The following CSMD3 variants were observed in gnomAD, a reference collection of about 807,000 sequenced individuals.
The protein encoded by CSMD3 is CUB and Sushi multiple domains 3.
In CSMD3, 177 loss-of-function variants were observed where a neutral mutation model predicts 435.2. The observed-to-expected ratio is 0.41, with a 90% CI of 0.36 to 0.46. The LOEUF (loss-of-function observed/expected upper bound fraction) is 0.46. Among genes scored for constraint, CSMD3 ranks in the 20% least tolerant of loss-of-function variants. CSMD3 has a pLI of 0.34. For synonymous variants in CSMD3, 1,656 were observed against 1,520.5 expected (o/e 1.09, Z -2.07); for missense variants, 4,265 against 4,504.6 (o/e 0.95, Z 1.52).
chr8:112,605,259 G>T (rs1463869257), intron 22 of CSMD3, among the ~76,000 whole-genome samples: 2 of 152,092 alleles, frequency 1.3e-5, no homozygotes, highest in Non-Finnish European at 2.9e-5. Flanking sequence ...CATTATTTGA[G>T]CCAGAAAGCC....
At chr8:113,155,400 C>T (rs2091910653) in intron 4 of CSMD3, among the ~76,000 whole-genome samples, 1 of 152,044 alleles carries the variant, frequency 6.6e-6, no homozygotes, top group South Asian at 2.1e-4. Context: ...CATTTCTTGG[C>T]CTTTATTTTT....
At chr8:112,800,069 AC>A in intron 13 of CSMD3, 92 bp downstream of exon 13, 1 of 843,748 alleles carries the variant, frequency 1.2e-6, no homozygotes, top group Non-Finnish European at 2.0e-6. Flanking sequence ...GTTCTGCAAA[AC>A]TTTTAATTTT....
At chr8:112,291,489 C>A (rs1819758891) in intron 56 of CSMD3, 21 bp downstream of exon 56, 1 of 1,535,580 alleles carries the variant, frequency 6.5e-7, no homozygotes, top group Non-Finnish European at 9.0e-7. Flanking sequence ...TCTCAAGAAA[C>A]AATTCACATT....
intron 30 of CSMD3, among the ~76,000 whole-genome samples, chr8:112,495,236 G>A (rs375816146): frequency 4.5e-4 from 69 of 152,250 alleles, no homozygotes; most frequent in African/African-American, 1.7e-3. Flanking sequence ...TTATAGCTGG[G>A]CTTCGTAAAA....
At chr8:112,453,343 T>C (rs949152338) in intron 32 of CSMD3, among the ~76,000 whole-genome samples, 1 of 152,094 alleles carries the variant, frequency 6.6e-6, no homozygotes, top group South Asian at 2.1e-4. Context: ...GCCAATAATA[T>C]GATCATACAC....
chr8:113,029,171 T>A (rs4876506), intron 5 of CSMD3, among the ~76,000 whole-genome samples: 1 of 150,998 alleles, frequency 6.6e-6, no homozygotes, highest in Non-Finnish European at 1.5e-5. Context: ...CAGGACCATA[T>A]GGATTCACAG....
chr8:113,004,949 T>C (rs946075812), intron 6 of CSMD3, among the ~76,000 whole-genome samples: 8 of 151,904 alleles, frequency 5.3e-5, no homozygotes, highest in African/African-American at 1.9e-4. Context: ...TAAATTGTAC[T>C]ATCATTGTGT....
chr8:112,656,896 A>G (rs909116687), intron 17 of CSMD3, among the ~76,000 whole-genome samples: 1 of 152,148 alleles, frequency 6.6e-6, no homozygotes, highest in Non-Finnish European at 1.5e-5. Context: ...GGTAGTAACT[A>G]ATGATGATAC....
chr8:112,836,950 A>T (rs2080043517), intron 11 of CSMD3, among the ~76,000 whole-genome samples: 1 of 151,868 alleles, frequency 6.6e-6, no homozygotes, highest in Non-Finnish European at 1.5e-5. Context: ...TTACATGCTT[A>T]AACATCATGC....
intron 10 of CSMD3, among the ~76,000 whole-genome samples, chr8:112,883,868 A>AG (rs997223750): frequency 6.6e-6 from 1 of 151,288 alleles, no homozygotes; most frequent in East Asian, 2.0e-4. Context: ...GATTAGTATA[A>AG]AAAATCAGTA....
At chr8:113,310,157 A>G (rs1422112559) in intron 2 of CSMD3, 2 of 152,170 alleles carry the variant, frequency 1.3e-5, no homozygotes, top group Non-Finnish European at 2.9e-5. Flanking sequence ...AAAAATAACT[A>G]TACTACTACG....
At chr8:112,603,621 T>C (rs1215388729) in intron 22 of CSMD3, among the ~76,000 whole-genome samples, 2 of 152,230 alleles carry the variant, frequency 1.3e-5, no homozygotes, top group Non-Finnish European at 2.9e-5. Flanking sequence ...TTTTTTATAA[T>C]AGATTTGTGG....
At chr8:112,606,972 G>GAAAAAAAAAAAAAA (rs71309778) in intron 22 of CSMD3, among the ~76,000 whole-genome samples, 3 of 36,638 alleles carry the variant, frequency 8.2e-5, no homozygotes, top group Non-Finnish European at 1.4e-4. Flanking sequence ...CTCAAGCTAT[G>GAAAAAAAAAAAAAA]AAAAAAAAAA....
intron 10 of CSMD3, among the ~76,000 whole-genome samples, chr8:112,881,458 T>C (rs1260989191): frequency 6.6e-6 from 1 of 152,098 alleles, no homozygotes; most frequent in Non-Finnish European, 1.5e-5. Flanking sequence ...GTGTTAACAT[T>C]TTCTTACAAT....
Position 112,341,466 on chromosome 8 carries a change from A to G in CSMD3, c.6652+11T>C, listed in dbSNP as rs2130990415. On this transcript the variant is annotated intron_variant, in intron 42 of 70. Transcript: ENST00000297405. ...GTTATATAAATTTTCATTTTTTATT[A>G]TTTCTCTTACCTTGGTATACAATAT... 6.5e-7 allele frequency: 1 copy of G among 1,542,228 alleles called. No individual in the cohort carries two copies. Among genetic ancestry groups the G allele is most frequent in the Non-Finnish European group, 9.0e-7 (1 of 1,115,960 alleles).
chr8:113,334,319 A>T (rs2094053439), intron 1 of CSMD3, among the ~76,000 whole-genome samples: 1 of 125,764 alleles, frequency 8.0e-6, no homozygotes, highest in African/African-American at 2.9e-5. Context: ...TGTACCTGTT[A>T]CATATTTCCT....
intron 5 of CSMD3, among the ~76,000 whole-genome samples, chr8:113,065,612 T>C (rs1403719075): frequency 6.6e-6 from 1 of 152,046 alleles, no homozygotes; most frequent in Admixed American, 6.6e-5. Context: ...ATGGTCTCGA[T>C]CTCCTGACTT....
At chr8:112,342,302 T>C (rs1400046480) in intron 41 of CSMD3, among the ~76,000 whole-genome samples, 3 of 152,146 alleles carry the variant, frequency 2.0e-5, no homozygotes, top group Admixed American at 6.6e-5. Flanking sequence ...GTAATCTCAA[T>C]ATCTTTATAA....
intron 4 of CSMD3, among the ~76,000 whole-genome samples, chr8:113,125,027 G>A (rs1432436653): frequency 6.6e-6 from 1 of 151,910 alleles, no homozygotes; most frequent in Non-Finnish European, 1.5e-5. Flanking sequence ...CATACTGGAA[G>A]GTGTCTCTTT....
Sources: gnomAD v4.1 joint callset for allele counts (sites outside exome capture counted in the v4.1 genomes callset) on GRCh38, gnomAD v4.1.1 for gene constraint, MANE v1.5 for transcripts, NCBI Gene and HGNC (gene_info 2026-07-23, HGNC 2026-07-21) for gene names.